The following IMMP2L variants were observed in gnomAD, a reference collection of about 807,000 sequenced individuals.
The protein encoded by IMMP2L is inner mitochondrial membrane peptidase subunit 2.
In IMMP2L, 18 loss-of-function variants were observed where a neutral mutation model predicts 19.3. The ratio of observed to expected loss-of-function variants is 0.93; its 90% CI spans 0.64 to 1.38. IMMP2L has a LOEUF of 1.38. Among genes scored for constraint, IMMP2L ranks in the 40% most tolerant of loss-of-function variants. IMMP2L has a pLI of 0.00. For synonymous variants in IMMP2L, 76 were observed against 73.0 expected, an observed-to-expected ratio of 1.04 and a Z score of -0.21; for missense variants, 233 against 218.2, an observed-to-expected ratio of 1.07 and a Z score of -0.43.
intron 3 of IMMP2L, among the ~76,000 whole-genome samples, chr7:111,350,539 G>C (rs929392645): frequency 6.6e-6 from 1 of 151,860 alleles, no homozygotes; most frequent in African/African-American, 2.4e-5. Flanking sequence ...GGGGGGTCTA[G>C]GCATATAATA....
chr7:111,312,291 C>A (rs1241925356), intron 3 of IMMP2L, among the ~76,000 whole-genome samples: 1 of 152,104 alleles, frequency 6.6e-6, no homozygotes, highest in African/African-American at 2.4e-5. Flanking sequence ...AGTTCACTCA[C>A]ATAAATATAT....
At chr7:111,120,055 G>T (rs1198720765) in intron 3 of IMMP2L, among the ~76,000 whole-genome samples, 2 of 152,162 alleles carry the variant, frequency 1.3e-5, no homozygotes, top group African/African-American at 4.8e-5. Flanking sequence ...ATAGGGAGAA[G>T]GTTGCCTGCA....
chr7:111,069,496 G>T (rs758334057), intron 3 of IMMP2L, among the ~76,000 whole-genome samples: 1 of 152,018 alleles, frequency 6.6e-6, no homozygotes, highest in African/African-American at 2.4e-5. Context: ...AAAGTAAAAC[G>T]TTCTGTTTCT....
At chr7:110,859,672 G>C (rs1190803045) in intron 5 of IMMP2L, among the ~76,000 whole-genome samples, 3 of 151,700 alleles carry the variant, frequency 2.0e-5, no homozygotes, top group Non-Finnish European at 4.4e-5. Context: ...GAGCCTGGGT[G>C]GCAGAGGTTG....
At chr7:110,993,410 T>C (rs1670639357) in intron 3 of IMMP2L, among the ~76,000 whole-genome samples, 1 of 152,110 alleles carries the variant, frequency 6.6e-6, no homozygotes, top group Non-Finnish European at 1.5e-5. Context: ...TTGTTTTTTC[T>C]AGAAAGGTTA....
At chr7:110,713,888 T>G (rs1272128053) in intron 5 of IMMP2L, among the ~76,000 whole-genome samples, 3 of 152,196 alleles carry the variant, frequency 2.0e-5, no homozygotes, top group Non-Finnish European at 2.9e-5. Flanking sequence ...AAGTTCGACT[T>G]CTTCTTTTCC....
At chr7:111,308,151 C>CT (rs1823088403) in intron 3 of IMMP2L, among the ~76,000 whole-genome samples, 1 of 151,848 alleles carries the variant, frequency 6.6e-6, no homozygotes, top group Non-Finnish European at 1.5e-5. Context: ...AGAAAAAAAT[C>CT]CCAGGCTAAA....
chr7:110,762,413 C>T (rs2130974625), intron 5 of IMMP2L, among the ~76,000 whole-genome samples: 1 of 152,206 alleles, frequency 6.6e-6, no homozygotes, highest in Admixed American at 6.6e-5. Flanking sequence ...CATGGTAAGA[C>T]CACTACTGGC....
intron 4 of IMMP2L, among the ~76,000 whole-genome samples, chr7:110,952,963 A>G (rs952454167): frequency 3.9e-5 from 6 of 152,030 alleles, no homozygotes; most frequent in Non-Finnish European, 7.4e-5. Flanking sequence ...GGTGTATGCT[A>G]CTGCTAGTAC....
At chr7:110,894,515 T>C (rs571095509) in intron 4 of IMMP2L, among the ~76,000 whole-genome samples, 21 of 152,368 alleles carry the variant, frequency 1.4e-4, no homozygotes, top group African/African-American at 4.1e-4. Flanking sequence ...TTTGCACATC[T>C]TCTTTGGTGA....
chr7:110,967,283 A>C lies in IMMP2L; in HGVS notation c.240-3718T>G, dbSNP rs756311845. On this transcript the variant is annotated intron_variant, in intron 3 of 5. Transcript: ENST00000405709. Reference sequence around the variant, plus strand: ...TGTTTTTTTATGTTCCCAAAAAGTTATAATTTTCACCCTGTTGGGAGCACT... The same window carrying C: ...TGTTTTTTTATGTTCCCAAAAAGTTCTAATTTTCACCCTGTTGGGAGCACT... Among the ~76,000 whole-genome samples the C allele has an allele frequency of 5.3e-5, 8 of 151,978 alleles. 1 individual carries two copies. Among genetic ancestry groups the C allele is most frequent in the Non-Finnish European group, 1.0e-4 (7 of 67,976 alleles).
intron 3 of IMMP2L, among the ~76,000 whole-genome samples, chr7:110,994,189 C>A (rs573981683): frequency 2.6e-5 from 4 of 151,712 alleles, no homozygotes; most frequent in African/African-American, 9.7e-5. Flanking sequence ...TATTGACAAA[C>A]CCCGGTTGAT....
At chr7:111,504,107 A>C (rs1844620686) in intron 2 of IMMP2L, among the ~76,000 whole-genome samples, 1 of 152,184 alleles carries the variant, frequency 6.6e-6, no homozygotes, top group Non-Finnish European at 1.5e-5. Context: ...TAAGCTGATA[A>C]GCAACTTCAG....
At position 111,493,121 on chromosome 7, in the gene IMMP2L, T is replaced by A. The variant is rs184573196; in HGVS notation, c.136-5780A>T. On this transcript the variant is annotated intron_variant, in intron 2 of 5. Coordinates refer to ENST00000405709, the MANE Select transcript of IMMP2L (RefSeq NM_032549.4). The stretch of plus-strand genomic sequence containing the variant: ...ATACATTATCTAAATAATGTATACA[T>A]CTCTTTCAATGAAAACATATTCTAG... 7.2e-5 allele frequency among the ~76,000 whole-genome samples: 11 copies of A among 152,310 alleles called. 1 individual carries two copies. The highest frequency in any genetic ancestry group is 7.2e-4 in the Admixed American group (11 of 15,302).
chr7:110,992,851 C>T (rs1822629665), intron 3 of IMMP2L, among the ~76,000 whole-genome samples: 1 of 152,150 alleles, frequency 6.6e-6, no homozygotes, highest in East Asian at 1.9e-4. Flanking sequence ...TCATCTTGTC[C>T]TTGTAGGCCA....
intron 3 of IMMP2L, among the ~76,000 whole-genome samples, chr7:111,160,943 G>A (rs933482485): frequency 9.3e-5 from 14 of 151,174 alleles, no homozygotes; most frequent in African/African-American, 3.1e-4. Context: ...AGAATTAAAA[G>A]ATATAAAAGA....
chr7:111,363,656 T>A (rs964773886), intron 3 of IMMP2L, among the ~76,000 whole-genome samples: 1 of 152,050 alleles, frequency 6.6e-6, no homozygotes, highest in East Asian at 1.9e-4. Context: ...CTTCAATCCA[T>A]CCTCTGCACA....
At chr7:111,185,164 C>A (rs1258271585) in intron 3 of IMMP2L, among the ~76,000 whole-genome samples, 4 of 152,158 alleles carry the variant, frequency 2.6e-5, no homozygotes, top group Admixed American at 6.5e-5. Context: ...GTCCCTATGC[C>A]ATATGGCATT....
At position 110,760,215 on chromosome 7, in the gene IMMP2L, AT is replaced by A. The variant is rs1399258135; in HGVS notation, c.409-96495del. On this transcript the variant is annotated intron_variant, in intron 5 of 5. Transcript: ENST00000405709. This position sits in a 1 kb window ranked among gnomAD's most constrained non-coding sequence, Gnocchi z 4.2. The stretch of plus-strand genomic sequence containing the variant: ...TCTCCACGTCCAGGCCTAAGATAGT[AT>A]CATTCCCTTTCTATTAGTGTTTATC... Among the ~76,000 whole-genome samples, 1 of 152,156 alleles carries A rather than the reference AT, an allele frequency of 6.6e-6. No individual in the cohort carries two copies. The highest frequency in any genetic ancestry group is 2.4e-5 in the African/African-American group (1 of 41,442).
Sources: allele counts gnomAD v4.1 joint callset (sites outside exome capture counted in the v4.1 genomes callset), GRCh38; gene constraint gnomAD v4.1.1; non-coding constraint Gnocchi (gnomAD v3.1); transcripts MANE v1.5; gene names NCBI Gene and HGNC (gene_info 2026-07-23, HGNC 2026-07-21).